SRGAP3: variants seen among roughly 807,000 people sequenced by gnomAD.
The protein encoded by SRGAP3 is SLIT-ROBO Rho GTPase activating protein 3.
SRGAP3 carries 39 observed loss-of-function variants against 121.1 expected under a neutral mutation model. The ratio of observed to expected loss-of-function variants is 0.32; its 90% CI spans 0.25 to 0.42. The LOEUF (loss-of-function observed/expected upper bound fraction) is 0.42, where lower values mean the gene tolerates loss of function less well. Among genes scored for constraint, SRGAP3 ranks in the 10% least tolerant of loss-of-function variants. The pLI, the probability that SRGAP3 is intolerant of heterozygous loss-of-function variation, is 1.00. For synonymous variants in SRGAP3, 601 were observed against 570.0 expected (o/e 1.05, Z -0.77); for missense variants, 1,213 against 1,470.6 (o/e 0.82, Z 2.86).
At chr3:9,296,917 C>G (rs1954962619) in intron 3 of SRGAP3, among the ~76,000 whole-genome samples, 1 of 152,112 alleles carries the variant, frequency 6.6e-6, no homozygotes, top group Non-Finnish European at 1.5e-5. Context: ...CAGGGTCTTG[C>G]TCTGTCACCC....
At chr3:9,166,144 G>GCCTGCTCT (rs1950777917) in intron 1 of SRGAP3, among the ~76,000 whole-genome samples, 1 of 152,136 alleles carries the variant, frequency 6.6e-6, no homozygotes, top group Admixed American at 6.5e-5. Flanking sequence ...ATCTCCATCT[G>GCCTGCTCT]CCTGCTCTCA....
At chr3:9,325,322 T>C (rs1375275188) in intron 3 of SRGAP3, among the ~76,000 whole-genome samples, 1 of 151,836 alleles carries the variant, frequency 6.6e-6, no homozygotes, top group East Asian at 1.9e-4. Flanking sequence ...GATTAAAGAA[T>C]GAGCTAGATA....
At chr3:9,285,205 C>T (rs1954747164) in intron 3 of SRGAP3, among the ~76,000 whole-genome samples, 2 of 152,150 alleles carry the variant, frequency 1.3e-5, no homozygotes, top group South Asian at 2.1e-4. Flanking sequence ...GCAGACCATC[C>T]TACTGTCCAG....
At chr3:9,096,575 T>C (rs1575067931) in intron 3 of SRGAP3, among the ~76,000 whole-genome samples, 3 of 152,190 alleles carry the variant, frequency 2.0e-5, no homozygotes, top group Non-Finnish European at 4.4e-5. Flanking sequence ...TTGTCTTAAA[T>C]GATGAAAAAT....
intron 3 of SRGAP3, chr3:9,325,965 G>C (rs1416833632): frequency 6.6e-6 from 1 of 151,910 alleles, no homozygotes; most frequent in Admixed American, 6.5e-5. Context: ...TTCACAACAA[G>C]GATGCCATCT....
chr3:9,343,068 G>A (rs1373767647), intron 1 of SRGAP3, among the ~76,000 whole-genome samples: 1 of 152,142 alleles, frequency 6.6e-6, no homozygotes, highest in East Asian at 1.9e-4. Context: ...TCTCCCACAA[G>A]CCCTTCAAAC....
In SRGAP3 at chr3:9,356,558, A is replaced by G. The variant is rs866313836; in HGVS notation, n.214+6282T>C. On this transcript the variant is annotated intron_variant and non_coding_transcript_variant, in intron 1 of 3. Transcript: ENST00000490889. ...CGGCTAATTTTTTTGTATTTTTAGTAGAGATGGGGTTTCACCGTGTTAGCC... is the reference window on the plus strand; with the variant it reads ...CGGCTAATTTTTTTGTATTTTTAGTGGAGATGGGGTTTCACCGTGTTAGCC... Among the ~76,000 whole-genome samples the G allele has an allele frequency of 1.5e-4, 23 of 151,844 alleles. 1 individual carries two copies. In the Middle Eastern group the frequency reaches 0.01, roughly 67 times the overall value.
At chr3:8,991,041 T>C (rs751387357) in intron 20 of SRGAP3, among the ~76,000 whole-genome samples, 30 of 152,292 alleles carry the variant, frequency 2.0e-4, no homozygotes, top group Middle Eastern at 3.4e-3. Context: ...AGGTCTAATC[T>C]GTAAACATGA....
At chr3:9,287,627 A>G (rs1015250130) in intron 3 of SRGAP3, among the ~76,000 whole-genome samples, 1 of 152,228 alleles carries the variant, frequency 6.6e-6, no homozygotes, top group African/African-American at 2.4e-5. Context: ...GAGGTGCAGT[A>G]AGCGTTGAAA....
intron 3 of SRGAP3, among the ~76,000 whole-genome samples, chr3:9,083,201 G>C (rs1429663688): frequency 6.6e-6 from 1 of 152,086 alleles, no homozygotes; most frequent in Non-Finnish European, 1.5e-5. Context: ...CTCTCCAGTG[G>C]CCTCCTCTTG....
chr3:9,329,123 G>A (rs1955563615), intron 2 of SRGAP3, among the ~76,000 whole-genome samples: 1 of 152,160 alleles, frequency 6.6e-6, no homozygotes. Flanking sequence ...CCGCGACACA[G>A]AAAAATGAAT....
chr3:9,313,375 C>A (rs78592982), intron 3 of SRGAP3, among the ~76,000 whole-genome samples: 7,449 of 152,250 alleles, frequency 0.049, 360 homozygotes, highest in African/African-American at 0.12. Flanking sequence ...TTCCCCTTCA[C>A]ATTTATCTAC....
At chr3:9,318,541 AG>A (rs751689550) in intron 3 of SRGAP3, among the ~76,000 whole-genome samples, 1 of 151,688 alleles carries the variant, frequency 6.6e-6, no homozygotes, top group Non-Finnish European at 1.5e-5. Flanking sequence ...GGCCACATGC[AG>A]GTGCCCTCAA....
At chr3:9,312,076 C>T (rs970599947) in intron 3 of SRGAP3, among the ~76,000 whole-genome samples, 31 of 152,228 alleles carry the variant, frequency 2.0e-4, no homozygotes, top group African/African-American at 7.2e-4. Context: ...ACAGGAACCA[C>T]AGTTTTCTTT....
chr3:9,338,680 G>C (rs1341644070), intron 1 of SRGAP3, among the ~76,000 whole-genome samples: 1 of 152,184 alleles, frequency 6.6e-6, no homozygotes, highest in Non-Finnish European at 1.5e-5. Flanking sequence ...CCTGAATGCA[G>C]CTCTGCACTG....
At chr3:9,155,956 C>T (rs1375134161) in intron 1 of SRGAP3, among the ~76,000 whole-genome samples, 1 of 152,186 alleles carries the variant, frequency 6.6e-6, no homozygotes, top group Non-Finnish European at 1.5e-5. Flanking sequence ...GCTGGGACTA[C>T]AGGCACCCGC....
intron 2 of SRGAP3, among the ~76,000 whole-genome samples, chr3:9,116,633 A>C (rs965048093): frequency 2.0e-5 from 3 of 152,178 alleles, no homozygotes; most frequent in Admixed American, 6.5e-5. Flanking sequence ...CAGGAGGATA[A>C]TAGCAAACCC....
At chr3:9,095,108 T>G (rs529886367) in intron 3 of SRGAP3, among the ~76,000 whole-genome samples, 1 of 152,240 alleles carries the variant, frequency 6.6e-6, no homozygotes, top group Non-Finnish European at 1.5e-5. Context: ...TTATCAATTT[T>G]TATCACTTAC....
chr3:9,155,713 T>C (rs1227222151), intron 1 of SRGAP3, among the ~76,000 whole-genome samples: 2 of 152,238 alleles, frequency 1.3e-5, no homozygotes, highest in African/African-American at 2.4e-5. Context: ...AAAACTATAT[T>C]CTGTATTTCC....
Sources: gnomAD v4.1 joint callset for allele counts (sites outside exome capture counted in the v4.1 genomes callset) on GRCh38, gnomAD v4.1.1 for gene constraint, MANE v1.5 for transcripts, NCBI Gene and HGNC (gene_info 2026-07-23, HGNC 2026-07-21) for gene names.